Variants in LYPD6 observed in about 807,000 individuals in gnomAD.
LYPD6 encodes ly6/PLAUR domain-containing protein 6.
A neutral mutation model predicts 22.7 loss-of-function variants in LYPD6; 15 were observed. The ratio of observed to expected loss-of-function variants is 0.66; its 90% CI spans 0.44 to 1.02. The LOEUF is 1.02. Among genes scored for constraint, LYPD6 ranks in the 50% least tolerant of loss-of-function variants. The pLI is 0.00. For missense variants in LYPD6, 189 were observed against 208.4 expected (o/e 0.91, Z 0.57); for synonymous variants, 72 against 77.5 (o/e 0.93, Z 0.37).
intron 3 of LYPD6, among the ~76,000 whole-genome samples, chr2:149,457,254 T>C (rs1680977976): frequency 6.6e-6 from 1 of 152,076 alleles, no homozygotes. Flanking sequence ...ATGAGACTAT[T>C]CAAATTCAAT....
intron 1 of LYPD6, among the ~76,000 whole-genome samples, chr2:149,356,015 T>A (rs1047322962): frequency 9.2e-5 from 14 of 152,058 alleles, no homozygotes; most frequent in Admixed American, 8.5e-4. Flanking sequence ...GAAAGAAGAG[T>A]TAAATAGTCA....
intron 1 of LYPD6, among the ~76,000 whole-genome samples, chr2:149,394,767 CGTT>C (rs1559136358): frequency 6.6e-6 from 1 of 152,048 alleles, no homozygotes; most frequent in East Asian, 1.9e-4. Context: ...CCTTTCCTTC[CGTT>C]GATACTCACT....
intron 1 of LYPD6, 25 bp from the exon 2 acceptor site, chr2:149,437,613 A>G: frequency 6.4e-7 from 1 of 1,570,892 alleles, no homozygotes. Flanking sequence ...TCGATCACTG[A>G]GATGATTCTT....
intron 1 of LYPD6, among the ~76,000 whole-genome samples, chr2:149,408,359 T>C (rs889065590): frequency 3.3e-5 from 5 of 152,206 alleles, no homozygotes; most frequent in African/African-American, 1.2e-4. Context: ...TCGTCTTGAC[T>C]TTAGGTAAGC....
intron 1 of LYPD6, among the ~76,000 whole-genome samples, chr2:149,434,371 C>G (rs1558806458): frequency 6.6e-6 from 1 of 152,158 alleles, no homozygotes; most frequent in Admixed American, 6.5e-5. Flanking sequence ...TCGATTTAAA[C>G]TTTGCCATGA....
chr2:149,455,586 T>A (rs1261738489), intron 3 of LYPD6, among the ~76,000 whole-genome samples: 1 of 152,132 alleles, frequency 6.6e-6, no homozygotes, highest in Non-Finnish European at 1.5e-5. Context: ...TTAAGTCCTA[T>A]CAGCCCATAC....
At chr2:149,378,827 C>G (rs775070213) in intron 1 of LYPD6, among the ~76,000 whole-genome samples, 3 of 152,142 alleles carry the variant, frequency 2.0e-5, no homozygotes, top group Non-Finnish European at 4.4e-5. Context: ...CATGATCTTG[C>G]AATGTACTCC....
chr2:149,428,747 A>G (rs750805525), intron 1 of LYPD6, among the ~76,000 whole-genome samples: 4 of 152,232 alleles, frequency 2.6e-5, no homozygotes, highest in Non-Finnish European at 2.9e-5. Context: ...GGAAGTATAG[A>G]GCAGAATGCA....
At chr2:149,402,378 C>T (rs1391198597) in intron 1 of LYPD6, among the ~76,000 whole-genome samples, 6 of 152,074 alleles carry the variant, frequency 3.9e-5, no homozygotes, top group Non-Finnish European at 4.4e-5. Flanking sequence ...CATATAATGA[C>T]TTATTTTCCT....
At chr2:149,331,596 C>G (rs958711493) in intron 1 of LYPD6, among the ~76,000 whole-genome samples, 1 of 151,888 alleles carries the variant, frequency 6.6e-6, no homozygotes, top group Non-Finnish European at 1.5e-5. Flanking sequence ...ATCCCGTTTC[C>G]TAGAGGACTC....
intron 1 of LYPD6, among the ~76,000 whole-genome samples, chr2:149,341,020 C>G (rs1161687745): frequency 6.6e-6 from 1 of 152,108 alleles, no homozygotes; most frequent in African/African-American, 2.4e-5. Flanking sequence ...TTTAAAAATA[C>G]TGACTTTAAT....
chr2:149,413,424 T>G (rs945592128), intron 1 of LYPD6, among the ~76,000 whole-genome samples: 1 of 152,150 alleles, frequency 6.6e-6, no homozygotes, highest in South Asian at 2.1e-4. Flanking sequence ...AGAGAGAGAT[T>G]AGAAAAAAGA....
chr2:149,467,566 A>C lies in LYPD6; in HGVS notation c.218-1079A>C, dbSNP rs139156787. ...AGTTAAAAGCTGCCAAAATCATGAC[A>C]GAATCTGGTGGGGGAGAGGGGAGGA... is the stretch of plus-strand genomic sequence containing the variant. On this transcript the variant is annotated intron_variant, in intron 3 of 4. Coordinates refer to ENST00000334166, the MANE Select transcript of LYPD6 (RefSeq NM_194317.5). 7.7e-3 allele frequency among the ~76,000 whole-genome samples: 1,169 copies of C among 152,264 alleles called. 11 individuals carry two copies. Among genetic ancestry groups the C allele is most frequent in the African/African-American group, 0.027 (1,116 of 41,554 alleles).
At chr2:149,405,130 G>A (rs1682667790) in intron 1 of LYPD6, among the ~76,000 whole-genome samples, 1 of 151,680 alleles carries the variant, frequency 6.6e-6, no homozygotes, top group African/African-American at 2.4e-5. Flanking sequence ...GTTGGATTTG[G>A]TTTGCCAGTA....
At chr2:149,379,564 C>T (rs958408766) in intron 1 of LYPD6, among the ~76,000 whole-genome samples, 6 of 152,142 alleles carry the variant, frequency 3.9e-5, no homozygotes, top group African/African-American at 1.4e-4. Context: ...TTCTCATGAT[C>T]GTGATTGAAC....
intron 1 of LYPD6, among the ~76,000 whole-genome samples, chr2:149,343,208 A>T (rs570314091): frequency 1.3e-5 from 2 of 152,238 alleles, no homozygotes; most frequent in East Asian, 3.9e-4. Flanking sequence ...TGTGTTTCAG[A>T]TCTCTTCCGG....
At chr2:149,464,866 G>A (rs1422716616) in intron 3 of LYPD6, among the ~76,000 whole-genome samples, 1 of 152,194 alleles carries the variant, frequency 6.6e-6, no homozygotes, top group Non-Finnish European at 1.5e-5. Flanking sequence ...TCTAGTTCAA[G>A]TTACTGGAGA....
the LYPD6 span, among the ~76,000 whole-genome samples, chr2:149,480,908 G>T: frequency 6.6e-6 from 1 of 152,160 alleles, no homozygotes; most frequent in Non-Finnish European, 1.5e-5. Flanking sequence ...ACCTTTGAAG[G>T]CATATCCCAT....
At chr2:149,372,272 C>G (rs1453772209) in intron 1 of LYPD6, among the ~76,000 whole-genome samples, 1 of 152,174 alleles carries the variant, frequency 6.6e-6, no homozygotes, top group Non-Finnish European at 1.5e-5. Flanking sequence ...AGACCTTACG[C>G]CTGATAAAGT....
Sources: allele counts gnomAD v4.1 joint callset (sites outside exome capture counted in the v4.1 genomes callset), GRCh38; gene constraint gnomAD v4.1.1; transcripts MANE v1.5; gene names NCBI Gene and HGNC (gene_info 2026-07-23, HGNC 2026-07-21).